STK39: variants seen among roughly 807,000 people sequenced by gnomAD.
STK39 encodes serine/threonine kinase 39, also known as STE20/SPS1-related proline-alanine-rich protein kinase.
Under a neutral mutation model 77.8 loss-of-function variants are expected in STK39, and 20 were observed. The ratio of observed to expected loss-of-function variants is 0.26; its 90% CI spans 0.18 to 0.37. The LOEUF (loss-of-function observed/expected upper bound fraction) is 0.37, where lower values mean the gene tolerates loss of function less well. Ranked by LOEUF, STK39 falls within the 10% of genes least tolerant of loss-of-function variation. STK39 has a pLI of 1.00. For missense variants in STK39, 479 were observed against 656.5 expected, an observed-to-expected ratio of 0.73 and a Z score of 2.95; for synonymous variants, 246 against 234.1, an observed-to-expected ratio of 1.05 and a Z score of -0.47.
intron 14 of STK39, among the ~76,000 whole-genome samples, chr2:168,033,960 C>A (rs1370333198): frequency 6.6e-6 from 1 of 152,208 alleles, no homozygotes; most frequent in African/African-American, 2.4e-5. Flanking sequence ...AGTGAAAAAA[C>A]ATCAACAGCA....
At chr2:167,959,105 T>G (rs1321234254) in intron 17 of STK39, among the ~76,000 whole-genome samples, 1 of 18,830 alleles carries the variant, frequency 5.3e-5, no homozygotes, top group African/African-American at 1.3e-4. Context: ...TTGTCAGATT[T>G]ATTTATTTAT....
At chr2:168,061,521 T>C (rs1424509625) in intron 14 of STK39, among the ~76,000 whole-genome samples, 1 of 152,202 alleles carries the variant, frequency 6.6e-6, no homozygotes, top group Admixed American at 6.5e-5. Context: ...ATAGTGTGCA[T>C]TGTTTTTTAA....
intron 16 of STK39, among the ~76,000 whole-genome samples, chr2:167,990,004 AC>A (rs1225461630): frequency 6.6e-6 from 1 of 152,180 alleles, no homozygotes; most frequent in Non-Finnish European, 1.5e-5. Flanking sequence ...GGCTAAAACG[AC>A]CAATAATAAT....
chr2:168,132,876 T>C (rs977837701), intron 8 of STK39, among the ~76,000 whole-genome samples: 1 of 152,154 alleles, frequency 6.6e-6, no homozygotes, highest in Non-Finnish European at 1.5e-5. Context: ...CAGCTCAATT[T>C]CATACTATAA....
chr2:168,133,577 GAC>G (rs1349003845), intron 8 of STK39, among the ~76,000 whole-genome samples: 1 of 152,126 alleles, frequency 6.6e-6, no homozygotes, highest in Non-Finnish European at 1.5e-5. Context: ...TTAAGAAAAT[GAC>G]AGAGGGGCCA....
Position 168,084,895 on chromosome 2 carries a change from C to T in STK39, c.1090-9664G>A, listed in dbSNP as rs373241776. On this transcript the variant is annotated intron_variant, in intron 10 of 17. Coordinates refer to ENST00000355999, the MANE Select transcript of STK39 (RefSeq NM_013233.3). ...GTGGTGCCTTGTAGACACCTTCAAA[C>T]GTACCTAACACCTTCTGAGGATCTT... is the stretch of plus-strand genomic sequence containing the variant. Among the ~76,000 whole-genome samples, 19 of 152,290 alleles carry T rather than the reference C, an allele frequency of 1.2e-4. No homozygotes were observed. The South Asian group carries it at 1.5e-3, about 12-fold the overall frequency.
rs11890496 is a variant in STK39, at chr2:168,178,093, C to A, written c.321+3885G>T. Among the ~76,000 whole-genome samples the A allele has an allele frequency of 7.2e-3, 1,091 of 152,294 alleles. 15 individuals carry two copies. The highest frequency in any genetic ancestry group is 0.025 in the African/African-American group (1,022 of 41,558). ...GGGGGTTTGATAATTCTGGTGTTAA[C>A]AAGTTCTGCTCTAAAACTGTAAGTA... is the stretch of plus-strand genomic sequence containing the variant. On this transcript the variant is annotated intron_variant, in intron 2 of 17. Transcript: ENST00000355999.
intron 1 of STK39, among the ~76,000 whole-genome samples, chr2:168,218,079 G>A (rs1358065862): frequency 1.3e-5 from 2 of 152,166 alleles, no homozygotes; most frequent in Non-Finnish European, 2.9e-5. Flanking sequence ...CATCATTAAG[G>A]AGGCAATAAA....
chr2:168,054,120 T>C (rs989698253), intron 14 of STK39, among the ~76,000 whole-genome samples: 2 of 152,364 alleles, frequency 1.3e-5, no homozygotes, highest in East Asian at 1.9e-4. Flanking sequence ...TTGGGAAACA[T>C]TGTTAAAAGA....
At chr2:168,043,925 G>A (rs1021832550) in intron 14 of STK39, among the ~76,000 whole-genome samples, 1 of 152,050 alleles carries the variant, frequency 6.6e-6, no homozygotes, top group Non-Finnish European at 1.5e-5. Context: ...CCCTACACTC[G>A]CAATTCTTTA....
At chr2:168,104,436 AC>A (rs1185486224) in intron 10 of STK39, among the ~76,000 whole-genome samples, 5 of 152,232 alleles carry the variant, frequency 3.3e-5, no homozygotes, top group African/African-American at 1.2e-4. Flanking sequence ...CAAAGTGAGT[AC>A]AGTGTGAATA....
At chr2:167,957,198 A>T (rs3769427) in intron 17 of STK39, among the ~76,000 whole-genome samples, 1 of 152,080 alleles carries the variant, frequency 6.6e-6, no homozygotes, top group Admixed American at 6.5e-5. Context: ...ATGCTTATGT[A>T]AAAAAGTCAC....
chr2:168,126,174 T>C (rs766602621), intron 10 of STK39, among the ~76,000 whole-genome samples: 4 of 152,174 alleles, frequency 2.6e-5, no homozygotes, highest in Non-Finnish European at 5.9e-5. Flanking sequence ...CAATGGACTG[T>C]CTGTTTCTCT....
intron 14 of STK39, among the ~76,000 whole-genome samples, chr2:168,063,273 C>A (rs72887662): frequency 3.3e-5 from 5 of 152,094 alleles, no homozygotes; most frequent in African/African-American, 9.7e-5. Flanking sequence ...GAAAGGTACA[C>A]TGAGCCTGCA....
At chr2:168,221,256 T>C (rs1309648210) in intron 1 of STK39, among the ~76,000 whole-genome samples, 2 of 152,200 alleles carry the variant, frequency 1.3e-5, no homozygotes, top group African/African-American at 2.4e-5. Flanking sequence ...CTTTTCGTTA[T>C]TTCTCTTCCT....
chr2:168,132,049 A>G (rs1272230226), intron 8 of STK39, among the ~76,000 whole-genome samples: 1 of 152,202 alleles, frequency 6.6e-6, no homozygotes, highest in Non-Finnish European at 1.5e-5. Flanking sequence ...CAGCACATTC[A>G]AACACCTTGG....
At chr2:168,068,206 T>C (rs1396359819) in intron 12 of STK39, among the ~76,000 whole-genome samples, 2 of 152,232 alleles carry the variant, frequency 1.3e-5, no homozygotes, top group African/African-American at 4.8e-5. Context: ...AGCCAAACCA[T>C]ATCAGAGGAG....
chr2:168,133,305 C>T lies in STK39; in HGVS notation c.975-3547G>A, dbSNP rs1191995243. Among the ~76,000 whole-genome samples the T allele has an allele frequency of 2.0e-5, 3 of 152,232 alleles. No homozygotes were observed. The East Asian group carries it at 5.8e-4, about 29-fold the overall frequency. Reference sequence around the variant, plus strand: ...AGAAAACTCCTTTCTCTGCACTCCACTCCACTCTCAGCCTTCATCAGTAAG... The same window carrying T: ...AGAAAACTCCTTTCTCTGCACTCCATTCCACTCTCAGCCTTCATCAGTAAG... On this transcript the variant is annotated intron_variant, in intron 8 of 17. Coordinates refer to ENST00000355999, the MANE Select transcript of STK39 (RefSeq NM_013233.3).
At chr2:168,016,572 G>A (rs1173792487) in intron 15 of STK39, among the ~76,000 whole-genome samples, 2 of 152,140 alleles carry the variant, frequency 1.3e-5, no homozygotes, top group Non-Finnish European at 2.9e-5. Flanking sequence ...CAGCTATCAA[G>A]CTAGAAAGTT....
Sources: allele counts gnomAD v4.1 joint callset (sites outside exome capture counted in the v4.1 genomes callset), GRCh38; gene constraint gnomAD v4.1.1; transcripts MANE v1.5; gene names NCBI Gene and HGNC (gene_info 2026-07-23, HGNC 2026-07-21).